Variants in TULP3 observed in about 807,000 individuals in gnomAD.
TULP3 encodes the protein TUB like protein 3.
A neutral mutation model predicts 50.7 loss-of-function variants in TULP3; 38 were observed. The observed-to-expected ratio is 0.75, with a 90% CI of 0.58 to 0.98. The LOEUF (loss-of-function observed/expected upper bound fraction) is 0.98, where lower values mean the gene tolerates loss of function less well. TULP3 is among the 50% of genes least tolerant of loss of function. TULP3 has a pLI of 0.00. For synonymous variants in TULP3, 183 were observed against 196.6 expected (o/e 0.93, Z 0.58); for missense variants, 550 against 568.0 (o/e 0.97, Z 0.32).
intron 1 of TULP3, among the ~76,000 whole-genome samples, chr12:2,900,950 C>A (rs2098178843): frequency 6.7e-6 from 1 of 149,756 alleles, no homozygotes; most frequent in Non-Finnish European, 1.5e-5. Flanking sequence ...TGGGCTCACG[C>A]GATCCTCTTG....
rs374214570 is a variant in TULP3 at position 2,890,937 on chromosome 12, C to T, written c.-11C>T. The T allele has an allele frequency of 6.3e-7, 1 of 1,593,548 alleles. No homozygotes were observed. Among genetic ancestry groups the T allele is most frequent in the Non-Finnish European group, 8.5e-7 (1 of 1,170,240 alleles). On this transcript the variant is annotated 5_prime_UTR_variant, in exon 1 of 11. Transcript: ENST00000448120. ...AGTGTGTACGTGGTGGGGGCTTCCT[C>T]GGTGGCGGGCATGGAGGCTTCGCGC...
At chr12:2,913,046 A>G (rs1237295513) in intron 2 of TULP3, among the ~76,000 whole-genome samples, 1 of 150,052 alleles carries the variant, frequency 6.7e-6, no homozygotes, top group Non-Finnish European at 1.5e-5. Context: ...ATCTCGGCTC[A>G]CTGCAACCTC....
chr12:2,924,600 G>A (rs1437752603), intron 4 of TULP3, among the ~76,000 whole-genome samples: 1 of 151,890 alleles, frequency 6.6e-6, no homozygotes, highest in Non-Finnish European at 1.5e-5. Flanking sequence ...AGGATTGCTC[G>A]AGCCCAGGTT....
intron 2 of TULP3, among the ~76,000 whole-genome samples, chr12:2,915,229 A>G (rs368881572): frequency 6.0e-4 from 91 of 152,148 alleles, no homozygotes; most frequent in Middle Eastern, 6.8e-3. Context: ...GCCTCAAGTG[A>G]TCCACCCATC....
At chr12:2,920,993 C>G in intron 3 of TULP3, 71 bp downstream of exon 3, 5 of 1,571,024 alleles carry the variant, frequency 3.2e-6, no homozygotes, top group Non-Finnish European at 4.4e-6. Flanking sequence ...CGAGGATTGT[C>G]AGACGGACCA....
intron 1 of TULP3, among the ~76,000 whole-genome samples, chr12:2,895,503 C>T (rs1565495332): frequency 2.0e-5 from 3 of 152,170 alleles, no homozygotes; most frequent in Non-Finnish European, 2.9e-5. Flanking sequence ...TTGTTCAAGC[C>T]AGATGTGTTC....
At chr12:2,898,575 C>G (rs2098176951) in intron 1 of TULP3, among the ~76,000 whole-genome samples, 1 of 152,120 alleles carries the variant, frequency 6.6e-6, no homozygotes, top group African/African-American at 2.4e-5. Context: ...ACAAAAGCAG[C>G]CATAGATAAT....
intron 4 of TULP3, 109 bp from the exon 5 acceptor site, chr12:2,930,139 G>A (rs914889450): frequency 9.6e-6 from 7 of 732,062 alleles, no homozygotes; most frequent in Non-Finnish European, 1.3e-5. Context: ...TTGTGTTTAC[G>A]GTCAGAATAG....
Position 2,940,697 on chromosome 12 carries a change from G to T in TULP3, c.*1253G>T. On this transcript the variant is annotated 3_prime_UTR_variant, in exon 11 of 11. Coordinates refer to ENST00000448120, the MANE Select transcript of TULP3 (RefSeq NM_003324.5). ...GACTGACCTCTCACCTCCGCCTGTTGTTCCTGCACCACATCAGATAAGCAT... is the reference window on the plus strand; with the variant it reads ...GACTGACCTCTCACCTCCGCCTGTTTTTCCTGCACCACATCAGATAAGCAT... 1 of 1,551,464 alleles carries T rather than the reference G, an allele frequency of 6.4e-7. No homozygotes were observed. Among genetic ancestry groups the T allele is most frequent in the South Asian group, 1.2e-5 (1 of 84,014 alleles).
chr12:2,931,000 T>G, intron 5 of TULP3, 37 bp from the exon 6 acceptor site: 1 of 1,610,696 alleles, frequency 6.2e-7, no homozygotes, highest in Non-Finnish European at 8.5e-7. Context: ...ATTTTGAGTC[T>G]CGGCCTGTTG....
intron 1 of TULP3, among the ~76,000 whole-genome samples, chr12:2,902,208 A>C (rs1317212569): frequency 6.6e-6 from 1 of 152,200 alleles, no homozygotes. Context: ...TTATCACTGC[A>C]CACTGGCACT....
At chr12:2,910,352 C>G (rs2098184773) in intron 2 of TULP3, among the ~76,000 whole-genome samples, 1 of 152,148 alleles carries the variant, frequency 6.6e-6, no homozygotes, top group Non-Finnish European at 1.5e-5. Context: ...TTTGTTTTCT[C>G]CATTACACTA....
intron 4 of TULP3, among the ~76,000 whole-genome samples, chr12:2,924,652 G>A (rs1465585280): frequency 4.0e-5 from 6 of 151,430 alleles, no homozygotes; most frequent in African/African-American, 1.2e-4. Context: ...CAGCACTCCA[G>A]CCTGGGTGAC....
chr12:2,902,758 TTC>T (rs1266229189), intron 1 of TULP3, among the ~76,000 whole-genome samples: 1 of 152,178 alleles, frequency 6.6e-6, no homozygotes, highest in Non-Finnish European at 1.5e-5. Flanking sequence ...TGCTCAAAGT[TTC>T]TCTGTTACTT....
At chr12:2,921,333 G>A (rs893371142) in intron 3 of TULP3, among the ~76,000 whole-genome samples, 1 of 151,624 alleles carries the variant, frequency 6.6e-6, no homozygotes, top group East Asian at 1.9e-4. Flanking sequence ...GTAGAGACGG[G>A]GTTTTACTAT....
intron 8 of TULP3, among the ~76,000 whole-genome samples, chr12:2,935,766 A>C (rs113449880): frequency 0.033 from 4,961 of 151,900 alleles, 260 homozygotes; most frequent in African/African-American, 0.11. Context: ...TGAGCCCAGG[A>C]GAGACCAGCC....
At chr12:2,934,042 G>GT (rs986181601) in intron 7 of TULP3, among the ~76,000 whole-genome samples, 6 of 152,156 alleles carry the variant, frequency 3.9e-5, no homozygotes, top group Non-Finnish European at 8.8e-5. Flanking sequence ...GAGGCCAGGA[G>GT]TTTGAGACCA....
At position 2,930,277 on chromosome 12, in the gene TULP3, G is replaced by A. The variant is rs1281026489; in HGVS notation, c.424G>A (p.Glu142Lys). The A allele has an allele frequency of 1.2e-6, 2 of 1,612,598 alleles. No individual in the cohort carries two copies. The highest frequency in any genetic ancestry group is 2.2e-5 in the East Asian group (1 of 44,858). ...DISESVNFDE[E>K]TDGISQSACL... ...CTCTGAAAGTGTGAACTTCGATGAGGAGACTGATGGAATATCCCAGTCAGC... is the reference window on the plus strand; with the variant it reads ...CTCTGAAAGTGTGAACTTCGATGAGAAGACTGATGGAATATCCCAGTCAGC... The change falls in exon 5 of 11, where the codon GAG (glutamate) becomes AAG (lysine). Residue 142 changes from glutamate to lysine, a missense_variant. Glu to Lys is a moderately conservative substitution (Grantham distance 56). Transcript: ENST00000448120.
Position 2,940,572 on chromosome 12 carries a change from A to C in TULP3, c.*1128A>C. On this transcript the variant is annotated 3_prime_UTR_variant, in exon 11 of 11. Transcript: ENST00000448120. ...AGAATGCAGGAGCTCTGTGAGCTCCACCGTCAGCACCATTCAGCTGCATCC... is the reference window on the plus strand; with the variant it reads ...AGAATGCAGGAGCTCTGTGAGCTCCCCCGTCAGCACCATTCAGCTGCATCC... 1.3e-6 allele frequency: 2 copies of C among 1,551,636 alleles called. No homozygotes were observed. Among genetic ancestry groups the C allele is most frequent in the Non-Finnish European group, 1.7e-6 (2 of 1,146,934 alleles).
Sources: allele counts gnomAD v4.1 joint callset (sites outside exome capture counted in the v4.1 genomes callset), GRCh38; gene constraint gnomAD v4.1.1; transcripts MANE v1.5; gene names NCBI Gene and HGNC (gene_info 2026-07-23, HGNC 2026-07-21).